The following BRICD5 variants were observed in gnomAD, a reference collection of about 807,000 sequenced individuals.
BRICD5 encodes the protein BRICHOS domain-containing protein 5.
Under a neutral mutation model 28.4 loss-of-function variants are expected in BRICD5, and 51 were observed. The observed-to-expected ratio is 1.80, with a 90% CI of 1.43 to 2.27. The LOEUF is 2.27. Ranked by LOEUF, BRICD5 falls within the 30% of genes most tolerant of loss-of-function variation. The probability of loss-of-function intolerance (pLI) is 0.00; values close to 1 mark genes in which losing one functional copy is unlikely to be tolerated. For missense variants in BRICD5, 456 were observed against 309.6 expected, an observed-to-expected ratio of 1.47 and a Z score of -3.55; for synonymous variants, 177 against 130.2, an observed-to-expected ratio of 1.36 and a Z score of -2.44.
chr16:2,210,584 C>CCAGCAGCAG lies in BRICD5; in HGVS notation c.109_117dup (p.Leu37_Leu39dup), dbSNP rs745438012. ...GCCACAACCCCCACAGCGGCCAGCA[C>CCAGCAGCAG]CAGCAGCAGCAGCAGCAGGAGCAGG... On this transcript the variant is annotated inframe_insertion, in exon 2 of 6. Transcript: ENST00000328540. 1 of 1,467,894 alleles carries CCAGCAGCAG rather than the reference C, an allele frequency of 6.8e-7. No individual in the cohort carries two copies. 90.9% of individuals were successfully genotyped at this position (1,467,894 alleles called of 1,614,324 possible).
In BRICD5 at chr16:2,209,381, A is replaced by G; in HGVS notation, c.668T>C (p.Phe223Ser). The G allele has an allele frequency of 6.2e-7, 1 of 1,613,484 alleles. No individual in the cohort carries two copies. Among genetic ancestry groups the G allele is most frequent in the Non-Finnish European group, 8.5e-7 (1 of 1,179,722 alleles). ...FPSNICVSVC[F>S]YYLPD ...GGGGGCTCAGTCTGGGAGGTAATAAAAGCAGACCGACACGCAGATGTTGCT... is the reference window on the plus strand; with the variant it reads ...GGGGGCTCAGTCTGGGAGGTAATAAGAGCAGACCGACACGCAGATGTTGCT... The change falls in exon 6 of 6, where the codon TTT (phenylalanine) becomes TCT (serine). Residue 223 changes from phenylalanine to serine, a missense_variant. Physicochemically the swap from Phe to Ser is radical, Grantham distance 155. Coordinates refer to ENST00000328540, the MANE Select transcript of BRICD5 (RefSeq NM_182563.4).
chr16:2,210,733 C>T, intron 1 of BRICD5, 50 bp downstream of exon 1: 2 of 1,609,126 alleles, frequency 1.2e-6, no homozygotes, highest in Non-Finnish European at 1.7e-6. Flanking sequence ...GGCTGGGTGG[C>T]CTGGGGCACC....
Position 2,210,584 on chromosome 16 carries a change from C to CCAGCAGCAGCAGCAG in BRICD5, c.103_117dup (p.Leu35_Leu39dup). 1 of 1,467,894 alleles carries CCAGCAGCAGCAGCAG rather than the reference C, an allele frequency of 6.8e-7. No individual in the cohort carries two copies. Among genetic ancestry groups the CCAGCAGCAGCAGCAG allele is most frequent in the Admixed American group, 1.8e-5 (1 of 55,210 alleles). 90.9% of individuals were successfully genotyped at this position (1,467,894 alleles called of 1,614,324 possible). On this transcript the variant is annotated inframe_insertion, in exon 2 of 6. Coordinates refer to ENST00000328540, the MANE Select transcript of BRICD5 (RefSeq NM_182563.4). ...GCCACAACCCCCACAGCGGCCAGCA[C>CCAGCAGCAGCAGCAG]CAGCAGCAGCAGCAGCAGGAGCAGG...
At chr16:2,209,729 C>T (rs372304576) in intron 4 of BRICD5, 23 bp from the exon 5 acceptor site, 40 of 1,587,980 alleles carry the variant, frequency 2.5e-5, no homozygotes, top group Admixed American at 2.2e-4. Flanking sequence ...CTCTGGTGGG[C>T]GGTGGGACAG....
In BRICD5 at chr16:2,210,019, C is replaced by G. The variant is rs1394849788; in HGVS notation, c.369G>C (p.Gln123His). 1 of 1,572,662 alleles carries G rather than the reference C, an allele frequency of 6.4e-7. No individual in the cohort carries two copies. The highest frequency in any genetic ancestry group is 8.7e-7 in the Non-Finnish European group (1 of 1,154,470). Residue 123 changes from glutamine to histidine, a missense_variant, in exon 4 of 6, where the codon CAG becomes CAC. Transcript: ENST00000328540. ...CCTCCATCAGGCGGAGGAAGCAGAC[C>G]TGGTGCTCCTCAGGGCGGTAACAGA... is the stretch of plus-strand genomic sequence containing the variant. Reference protein sequence around the residue: ...GCICYRPEEHQVCFLRLMEDS... With the variant: ...GCICYRPEEHHVCFLRLMEDS...
At position 2,209,922 on chromosome 16, in the gene BRICD5, C is replaced by T. The variant is rs545054340; in HGVS notation, c.438+28G>A. 706 of 1,489,512 alleles carry T rather than the reference C, an allele frequency of 4.7e-4. 8 individuals are homozygous for T. The South Asian group carries it at 8.7e-3, about 18-fold the overall frequency. 92.3% of individuals were successfully genotyped at this position (1,489,512 alleles called of 1,614,324 possible). A position where few individuals can be genotyped will look rare whatever the true frequency, so the allele number is the denominator to read the frequency against. On this transcript the variant is annotated intron_variant, in intron 4 of 5. Transcript: ENST00000328540. The stretch of plus-strand genomic sequence containing the variant: ...AGGACCCTTTGTCTAGCCCCTGGCC[C>T]GGGCCTGCGCCCAGCAGGACGGCTC...
chr16:2,210,778 C>G lies in BRICD5; in HGVS notation c.51+5G>C. On this transcript the variant is annotated splice_donor_5th_base_variant and intron_variant, in intron 1 of 5. Coordinates refer to ENST00000328540, the MANE Select transcript of BRICD5 (RefSeq NM_182563.4). ...CTTGCTGCAGGAGTAACGGGAGGCA[C>G]TCACCCCTGTAGGCCCAGGTTTGGG... is the stretch of plus-strand genomic sequence containing the variant. 6.2e-7 allele frequency: 1 copy of G among 1,607,228 alleles called. No homozygotes were observed. The highest frequency in any genetic ancestry group is 8.5e-7 in the Non-Finnish European group (1 of 1,179,926).
Position 2,209,953 on chromosome 16 carries a change from G to T in BRICD5, c.435C>A (p.Ser145=), listed in dbSNP as rs2093366047. The T allele has an allele frequency of 6.5e-7, 1 of 1,528,428 alleles. No homozygotes were observed. Among genetic ancestry groups the T allele is most frequent in the African/African-American group, 1.4e-5 (1 of 72,818 alleles). 94.7% of individuals were successfully genotyped at this position (1,528,428 alleles called of 1,614,324 possible). The change falls in exon 4 of 6, where the codon TCC becomes TCA. Residue 145 remains serine, a synonymous_variant. Coordinates refer to ENST00000328540, the MANE Select transcript of BRICD5 (RefSeq NM_182563.4). ...TGCGCCCAGCAGGACGGCTCACCTT[G>T]GAGGTATCCACCAGCAGCCGCAGGG... ...RETLRLLVDT[S]KVQEAWVPSQ...
rs369602750 is a variant in BRICD5, at chr16:2,209,975, A to G, written c.413T>C (p.Leu138Pro). 2 of 1,535,744 alleles carry G rather than the reference A, an allele frequency of 1.3e-6. No homozygotes were observed. Among genetic ancestry groups the G allele is most frequent in the Non-Finnish European group, 1.8e-6 (2 of 1,138,402 alleles). The change falls in exon 4 of 6, where the codon CTG (leucine) becomes CCG (proline). Residue 138 changes from leucine to proline, a missense_variant. Physicochemically the swap from Leu to Pro is moderately conservative, Grantham distance 98. Transcript: ENST00000328540. ...CTTGGAGGTATCCACCAGCAGCCGC[A>G]GGGTCTCCCGATCACTGTCCTCCAT... The part of the protein sequence containing the change: ...RLMEDSDRET[L>P]RLLVDTSKVQ...
chr16:2,210,762 G>C, intron 1 of BRICD5, 21 bp downstream of exon 1: 1 of 1,607,838 alleles, frequency 6.2e-7, no homozygotes, highest in Non-Finnish European at 8.5e-7. Context: ...CCTTGCTGCA[G>C]GAGTAACGGG....
chr16:2,210,206 C>T lies in BRICD5; in HGVS notation c.256G>A (p.Val86Met), dbSNP rs773714670. ...PRPNQTILVD[V>M]ARNAATITVT... ...GTGATGGTCGCCGCGTTCCGGGCCA[C>T]GTCCACCAGGATGGTTTGGTTGGGC... Residue 86 changes from valine to methionine, a missense_variant, in exon 3 of 6, where the codon GTG (valine) becomes ATG (methionine). Coordinates refer to ENST00000328540, the MANE Select transcript of BRICD5 (RefSeq NM_182563.4). 1.3e-5 allele frequency: 20 copies of T among 1,590,218 alleles called. No individual in the cohort carries two copies. The highest frequency in any genetic ancestry group is 3.3e-4 in the Middle Eastern group (2 of 6,052).
At chr16:2,210,739 G>C (rs2093370658) in intron 1 of BRICD5, 44 bp downstream of exon 1, 1 of 1,608,774 alleles carries the variant, frequency 6.2e-7, no homozygotes, top group African/African-American at 1.3e-5. Context: ...GTGGCCTGGG[G>C]CACCCCCTGG....
At position 2,210,637 on chromosome 16, in the gene BRICD5, G is replaced by A. The variant is rs966098197; in HGVS notation, c.65C>T (p.Pro22Leu). Reference sequence around the variant, plus strand: ...CACGGCTCTCCAGCCCCCGCAGGAGGGCTTGGTCTTCACCTGGGCGTGCAT... The same window carrying A: ...CACGGCTCTCCAGCCCCCGCAGGAGAGCTTGGTCTTCACCTGGGCGTGCAT... ...KPGPTGVKTK[P>L]SCGGWRAVSL... The change falls in exon 2 of 6, where the codon CCC becomes CTC. Residue 22 changes from proline (P) to leucine (L), a missense_variant. Coordinates refer to ENST00000328540, the MANE Select transcript of BRICD5 (RefSeq NM_182563.4). The A allele has an allele frequency of 6.2e-6, 10 of 1,611,622 alleles. No homozygotes were observed. The highest frequency in any genetic ancestry group is 5.0e-5 in the Admixed American group (3 of 59,770).
chr16:2,209,833 G>A (rs2093365035), intron 4 of BRICD5, 117 bp downstream of exon 4: 3 of 1,386,976 alleles, frequency 2.2e-6, no homozygotes, highest in East Asian at 2.3e-5. Context: ...CTGGGCTTAG[G>A]GCGGAGAGAG....
chr16:2,210,728 G>C (rs2093370596), intron 1 of BRICD5, 55 bp downstream of exon 1: 1 of 1,609,326 alleles, frequency 6.2e-7, no homozygotes, highest in Non-Finnish European at 8.5e-7. Context: ...GGAGGGGCTG[G>C]GTGGCCTGGG....
At chr16:2,209,840 A>G (rs1478250302) in intron 4 of BRICD5, 110 bp downstream of exon 4, 21 of 1,385,152 alleles carry the variant, frequency 1.5e-5, no homozygotes, top group Non-Finnish European at 1.9e-5. Flanking sequence ...TAGGGCGGAG[A>G]GAGCTTCCTG....
At position 2,210,140 on chromosome 16, in the gene BRICD5, ACAG is replaced by A; in HGVS notation, c.319_321del (p.Leu107del). Reference sequence around the variant, plus strand: ...TGCCCACTCACGCTCTGCCCGTCGAACAGCACCGCCCAGCTGTGGTTGCTCTGA... The same window carrying A: ...TGCCCACTCACGCTCTGCCCGTCGAACACCGCCCAGCTGTGGTTGCTCTGA... On this transcript the variant is annotated inframe_deletion, in exon 3 of 6. Coordinates refer to ENST00000328540, the MANE Select transcript of BRICD5 (RefSeq NM_182563.4). 1 of 1,609,454 alleles carries A rather than the reference ACAG, an allele frequency of 6.2e-7. No individual in the cohort carries two copies. The highest frequency in any genetic ancestry group is 8.5e-7 in the Non-Finnish European group (1 of 1,178,798).
intron 2 of BRICD5, 42 bp from the exon 3 acceptor site, chr16:2,210,323 C>CCCAG: frequency 6.6e-7 from 1 of 1,504,574 alleles, no homozygotes; most frequent in South Asian, 1.3e-5. Flanking sequence ...GCTGTGCAAC[C>CCCAG]CCAGCACAGC....
Position 2,209,278 on chromosome 16 carries a change from C to G in BRICD5, c.*84G>C. The G allele has an allele frequency of 7.8e-7, 1 of 1,284,484 alleles. No individual in the cohort carries two copies. The highest frequency in any genetic ancestry group is 1.1e-6 in the Non-Finnish European group (1 of 904,376). The allele number at this position is 1,284,484 out of a possible 1,614,324, so 79.6% of individuals were successfully genotyped here. A position where few individuals can be genotyped will look rare whatever the true frequency, so the allele number is the denominator to read the frequency against. On this transcript the variant is annotated 3_prime_UTR_variant, in exon 6 of 6. Transcript: ENST00000328540. The stretch of plus-strand genomic sequence containing the variant: ...GCCAGGTGGAAGGGTTTATTAGTCC[C>G]TGCCAGCAGCTGTCCTCCCTGGTGC...
Sources: gnomAD v4.1 joint callset for allele counts on GRCh38, gnomAD v4.1.1 for gene constraint, MANE v1.5 for transcripts, NCBI Gene and HGNC (gene_info 2026-07-23, HGNC 2026-07-21) for gene names.